MTUS2: variants seen among roughly 807,000 people sequenced by gnomAD.
MTUS2 encodes the protein microtubule-associated tumor suppressor candidate 2.
A neutral mutation model predicts 114.1 loss-of-function variants in MTUS2; 40 were observed. That is an observed-to-expected ratio of 0.35 (90% confidence interval 0.27 to 0.46). The LOEUF (loss-of-function observed/expected upper bound fraction) is 0.46. MTUS2 is among the 20% of genes least tolerant of loss of function. The probability of loss-of-function intolerance (pLI) is 1.00; values close to 1 mark genes in which losing one functional copy is unlikely to be tolerated. For synonymous variants in MTUS2, 688 were observed against 672.0 expected, an observed-to-expected ratio of 1.02 and a Z score of -0.37; for missense variants, 1,679 against 1,705.4, an observed-to-expected ratio of 0.98 and a Z score of 0.27.
At chr13:28,953,991 G>T (rs796129220) in intron 2 of MTUS2, among the ~76,000 whole-genome samples, 6 of 152,182 alleles carry the variant, frequency 3.9e-5, no homozygotes, top group African/African-American at 1.4e-4. Context: ...ATAGACAAAT[G>T]TGTCAATGGA....
At position 29,274,787 on chromosome 13, in the gene MTUS2, T is replaced by G. The variant is rs1395447759; in HGVS notation, c.2645-6917T>G. On this transcript the variant is annotated intron_variant, in intron 5 of 15. Coordinates refer to ENST00000612955, the MANE Select transcript of MTUS2 (RefSeq NM_001033602.4). ...CTTTATCACCCAGGCTGGAGTGCAGTGGTGTGATCACAACTCACTGCAACC... is the reference window on the plus strand; with the variant it reads ...CTTTATCACCCAGGCTGGAGTGCAGGGGTGTGATCACAACTCACTGCAACC... Among the ~76,000 whole-genome samples, 3 of 152,218 alleles carry G rather than the reference T, an allele frequency of 2.0e-5. No homozygotes were observed. In the South Asian group the frequency reaches 6.2e-4, roughly 32 times the overall value.
At chr13:29,495,180 TCAA>T (rs1882452099) in intron 12 of MTUS2, among the ~76,000 whole-genome samples, 1 of 35,754 alleles carries the variant, frequency 2.8e-5, no homozygotes, top group Non-Finnish European at 4.8e-5. Flanking sequence ...AAACTCCGTC[TCAA>T]AAAAAAAAAA....
At chr13:29,155,691 T>G (rs1892829790) in intron 5 of MTUS2, among the ~76,000 whole-genome samples, 2 of 152,148 alleles carry the variant, frequency 1.3e-5, no homozygotes, top group African/African-American at 4.8e-5. Flanking sequence ...TCTAACTAAA[T>G]ATATGTGTGT....
chr13:28,907,748 T>C (rs1305855383), intron 2 of MTUS2, among the ~76,000 whole-genome samples: 1 of 151,636 alleles, frequency 6.6e-6, no homozygotes, highest in Admixed American at 6.6e-5. Flanking sequence ...CCCAAATTCA[T>C]AACGCAAGTA....
intron 5 of MTUS2, among the ~76,000 whole-genome samples, chr13:29,243,179 G>A (rs1357890432): frequency 6.6e-6 from 1 of 152,140 alleles, no homozygotes; most frequent in Non-Finnish European, 1.5e-5. Context: ...TATAAGAGGA[G>A]TAAAGTCACA....
At chr13:29,119,145 T>C (rs1169024710) in intron 5 of MTUS2, among the ~76,000 whole-genome samples, 1 of 152,202 alleles carries the variant, frequency 6.6e-6, no homozygotes, top group Non-Finnish European at 1.5e-5. Context: ...AACATACACA[T>C]ATTGCATTTT....
At chr13:29,405,656 G>A (rs1874693499) in intron 8 of MTUS2, among the ~76,000 whole-genome samples, 1 of 152,106 alleles carries the variant, frequency 6.6e-6, no homozygotes, top group South Asian at 2.1e-4. Flanking sequence ...TGCAACACTT[G>A]CGAAGCTCTG....
At chr13:28,901,963 T>C (rs1879670933) in intron 2 of MTUS2, among the ~76,000 whole-genome samples, 1 of 152,218 alleles carries the variant, frequency 6.6e-6, no homozygotes, top group South Asian at 2.1e-4. Context: ...ATGTTGAATC[T>C]TCTATGAAAA....
intron 7 of MTUS2, among the ~76,000 whole-genome samples, chr13:29,356,458 C>T (rs181501071): frequency 6.6e-6 from 1 of 152,318 alleles, no homozygotes; most frequent in African/African-American, 2.4e-5. Context: ...CTGAAGCTGG[C>T]CATGTCAGTG....
intron 2 of MTUS2, among the ~76,000 whole-genome samples, chr13:28,888,959 A>G (rs1269109372): frequency 6.6e-6 from 1 of 152,214 alleles, no homozygotes; most frequent in Non-Finnish European, 1.5e-5. Flanking sequence ...TAAGAAATAA[A>G]ATTGTATGCT....
intron 8 of MTUS2, among the ~76,000 whole-genome samples, chr13:29,371,291 T>C (rs1168086730): frequency 6.7e-6 from 1 of 149,462 alleles, no homozygotes; most frequent in East Asian, 2.1e-4. Context: ...GATCCTAGCT[T>C]ACTGCAACCT....
At chr13:29,402,823 G>A (rs1220572744) in intron 8 of MTUS2, among the ~76,000 whole-genome samples, 2 of 152,020 alleles carry the variant, frequency 1.3e-5, no homozygotes, top group African/African-American at 2.4e-5. Flanking sequence ...TGCAACCTCC[G>A]CCTCCCAGGT....
intron 5 of MTUS2, among the ~76,000 whole-genome samples, chr13:29,197,209 T>C (rs559228688): frequency 4.5e-4 from 68 of 152,260 alleles, no homozygotes; most frequent in African/African-American, 1.6e-3. Flanking sequence ...CCTAATGATA[T>C]CCCTCCCCTT....
intron 5 of MTUS2, among the ~76,000 whole-genome samples, chr13:29,224,107 G>T (rs979001716): frequency 1.3e-5 from 2 of 152,210 alleles, no homozygotes; most frequent in African/African-American, 4.8e-5. Flanking sequence ...CAAGTGGAGC[G>T]CAACCTGCCA....
chr13:29,293,047 T>C (rs2139581792), intron 6 of MTUS2, among the ~76,000 whole-genome samples: 1 of 152,300 alleles, frequency 6.6e-6, no homozygotes, highest in South Asian at 2.1e-4. Flanking sequence ...TAGTTTAAAA[T>C]GTGGGGATAT....
intron 7 of MTUS2, among the ~76,000 whole-genome samples, chr13:29,332,453 C>G (rs937859187): frequency 6.6e-5 from 10 of 151,844 alleles, no homozygotes; most frequent in Admixed American, 2.0e-4. Flanking sequence ...TTCTTTTCTT[C>G]TTTATTAGTC....
chr13:29,255,953 T>C (rs948646873), intron 5 of MTUS2, among the ~76,000 whole-genome samples: 3 of 152,188 alleles, frequency 2.0e-5, no homozygotes, highest in Non-Finnish European at 4.4e-5. Flanking sequence ...TTCAAATGAC[T>C]CAGCCTTGGT....
chr13:28,873,060 C>T (rs1203030205), intron 2 of MTUS2, among the ~76,000 whole-genome samples: 5 of 152,094 alleles, frequency 3.3e-5, no homozygotes, highest in Non-Finnish European at 7.4e-5. Context: ...AAAGTAACTG[C>T]CAAACTAAAA....
intron 7 of MTUS2, among the ~76,000 whole-genome samples, chr13:29,342,393 A>G (rs150857360): frequency 5.5e-4 from 84 of 151,852 alleles, no homozygotes; most frequent in Non-Finnish European, 4.7e-4. Context: ...ATATATTTCC[A>G]AGTGTTTTTT....
Sources: allele counts gnomAD v4.1 joint callset (sites outside exome capture counted in the v4.1 genomes callset), GRCh38; gene constraint gnomAD v4.1.1; transcripts MANE v1.5; gene names NCBI Gene and HGNC (gene_info 2026-07-23, HGNC 2026-07-21).